The following UNC13B variants were observed in gnomAD, a reference collection of about 807,000 sequenced individuals.
UNC13B encodes unc-13 homolog B.
A neutral mutation model predicts 211.0 loss-of-function variants in UNC13B; 144 were observed. The ratio of observed to expected loss-of-function variants is 0.68; its 90% CI spans 0.60 to 0.78. The LOEUF is 0.78. Ranked by LOEUF, UNC13B falls within the 30% of genes least tolerant of loss-of-function variation. The probability of loss-of-function intolerance (pLI) is 0.00; values close to 1 mark genes in which losing one functional copy is unlikely to be tolerated. For missense variants in UNC13B, 1,777 were observed against 2,002.0 expected, an observed-to-expected ratio of 0.89 and a Z score of 2.14; for synonymous variants, 709 against 725.8, an observed-to-expected ratio of 0.98 and a Z score of 0.37.
intron 12 of UNC13B, among the ~76,000 whole-genome samples, chr9:35,368,314 G>C (rs755659050): frequency 1.2e-4 from 18 of 152,116 alleles, no homozygotes; most frequent in Non-Finnish European, 2.4e-4. Flanking sequence ...GCAGTGTTTG[G>C]TTTTCTGTTC....
chr9:35,255,342 A>G (rs1826813574), intron 6 of UNC13B, among the ~76,000 whole-genome samples: 1 of 148,418 alleles, frequency 6.7e-6, no homozygotes, highest in Admixed American at 6.9e-5. Flanking sequence ...CCTTATTATT[A>G]ACATCTTACA....
At chr9:35,290,954 G>A (rs1366221759) in intron 7 of UNC13B, 2 of 982,852 alleles carry the variant, frequency 2.0e-6, no homozygotes, top group Non-Finnish European at 3.1e-6. Flanking sequence ...TACAAGTGAG[G>A]TAGGCTTAAG....
intron 3 of UNC13B, 119 bp downstream of exon 3, chr9:35,231,338 C>A: frequency 1.6e-6 from 1 of 621,244 alleles, no homozygotes; most frequent in Non-Finnish European, 2.8e-6. Flanking sequence ...TGTACTGGCA[C>A]TGTTAAATAC....
At chr9:35,337,513 T>C (rs1831730799) in intron 11 of UNC13B, among the ~76,000 whole-genome samples, 1 of 152,234 alleles carries the variant, frequency 6.6e-6, no homozygotes, top group African/African-American at 2.4e-5. Flanking sequence ...ACTTACCTAG[T>C]TGAGTGCTTC....
chr9:35,327,906 A>T (rs539498732), intron 11 of UNC13B, among the ~76,000 whole-genome samples: 4 of 152,246 alleles, frequency 2.6e-5, no homozygotes, highest in Non-Finnish European at 4.4e-5. Context: ...TCAACCATTT[A>T]GGTAAAAACT....
At position 35,304,929 on chromosome 9, in the gene UNC13B, C is replaced by T. The variant is rs1426391372; in HGVS notation, c.5525C>T (p.Ser1842Phe). The change falls in exon 9 of 40, where the codon TCT becomes TTT. Residue 1842 changes from serine to phenylalanine, a missense_variant. Ser to Phe is a radical substitution (Grantham distance 155). Transcript: ENST00000635942. ...ATCAAAAATATAAGGCAAGAATTCT[C>T]TTTAAATAAAAACAACCATGTGAAA... ...ELIKNIRQEF[S>F]LNKNNHVKKQ... 5.0e-6 allele frequency: 2 copies of T among 398,754 alleles called. No individual in the cohort carries two copies. The highest frequency in any genetic ancestry group is 3.6e-5 in the East Asian group (1 of 28,076). 24.7% of individuals were successfully genotyped at this position (398,754 alleles called of 1,614,324 possible). A position where few individuals can be genotyped will look rare whatever the true frequency, so the allele number is the denominator to read the frequency against.
intron 1 of UNC13B, among the ~76,000 whole-genome samples, chr9:35,169,721 C>T (rs578139219): frequency 2.5e-4 from 38 of 152,288 alleles, no homozygotes; most frequent in Non-Finnish European, 4.7e-4. Context: ...GGGGAAAGGA[C>T]CAATTTGCTC....
chr9:35,310,097 T>G (rs1830111397), intron 9 of UNC13B, among the ~76,000 whole-genome samples: 1 of 152,210 alleles, frequency 6.6e-6, no homozygotes, highest in East Asian at 1.9e-4. Flanking sequence ...AAAGAAAGAT[T>G]AATCACAGCC....
chr9:35,303,059 C>A lies in UNC13B; in HGVS notation c.3655C>A (p.His1219Asn), dbSNP rs1829762462. 1 of 398,526 alleles carries A rather than the reference C, an allele frequency of 2.5e-6. No individual in the cohort carries two copies. The highest frequency in any genetic ancestry group is 2.1e-5 in the African/African-American group (1 of 48,598). 24.7% of individuals were successfully genotyped at this position (398,526 alleles called of 1,614,324 possible). A position where few individuals can be genotyped will look rare whatever the true frequency, so the allele number is the denominator to read the frequency against. ...GNMKSLNGDNHLSLDEVPATS... is the reference protein window; with the variant it reads ...GNMKSLNGDNNLSLDEVPATS... ...CATGAAGAGTTTGAATGGAGATAAC[C>A]ATTTATCCTTGGATGAGGTCCCTGC... is the stretch of plus-strand genomic sequence containing the variant. Residue 1219 changes from histidine to asparagine, a missense_variant, in exon 9 of 40, where the codon CAT becomes AAT. By Grantham distance (68) the His-to-Asn change is moderately conservative (BLOSUM62 1). Coordinates refer to ENST00000635942, the MANE Select transcript of UNC13B (RefSeq NM_001371189.2).
At chr9:35,337,546 C>T (rs1290086778) in intron 11 of UNC13B, among the ~76,000 whole-genome samples, 2 of 152,198 alleles carry the variant, frequency 1.3e-5, no homozygotes, top group African/African-American at 4.8e-5. Context: ...CCATGCTTCC[C>T]TCTTACTGTC....
intron 7 of UNC13B, among the ~76,000 whole-genome samples, chr9:35,294,068 CT>C (rs1829229377): frequency 6.6e-6 from 1 of 152,184 alleles, no homozygotes; most frequent in Non-Finnish European, 1.5e-5. Context: ...TGTTTGTGCT[CT>C]CTTTTAGTGG....
intron 1 of UNC13B, among the ~76,000 whole-genome samples, chr9:35,211,466 C>T (rs912757060): frequency 6.6e-6 from 1 of 152,142 alleles, no homozygotes; most frequent in African/African-American, 2.4e-5. Context: ...CATAGTATTT[C>T]ATTATATAGG....
intron 11 of UNC13B, chr9:35,352,229 A>C (rs1031805372): frequency 8.1e-7 from 1 of 1,232,172 alleles, no homozygotes; most frequent in Non-Finnish European, 1.0e-6. Flanking sequence ...AGAAAATACT[A>C]TGGAACTGGT....
At chr9:35,221,808 A>G (rs1824580136) in intron 1 of UNC13B, among the ~76,000 whole-genome samples, 1 of 152,194 alleles carries the variant, frequency 6.6e-6, no homozygotes, top group African/African-American at 2.4e-5. Context: ...TTCCTGACTC[A>G]TTTCAAGTTT....
Position 35,221,801 on chromosome 9 carries a change from C to T in UNC13B, c.23-6214C>T, listed in dbSNP as rs539178225. 5.8e-4 allele frequency among the ~76,000 whole-genome samples: 88 copies of T among 152,230 alleles called. 1 individual carries two copies. The highest frequency in any genetic ancestry group is 2.0e-3 in the African/African-American group (83 of 41,532). ...TTATCTCTCACATTTAGTTCTATTCCTGACTCATTTCAAGTTTTGCATATT... is the reference window on the plus strand; with the variant it reads ...TTATCTCTCACATTTAGTTCTATTCTTGACTCATTTCAAGTTTTGCATATT... On this transcript the variant is annotated intron_variant, in intron 1 of 39. Coordinates refer to ENST00000635942, the MANE Select transcript of UNC13B (RefSeq NM_001371189.2).
intron 1 of UNC13B, among the ~76,000 whole-genome samples, chr9:35,217,277 G>T (rs563869933): frequency 2.0e-5 from 3 of 152,002 alleles, no homozygotes; most frequent in Non-Finnish European, 4.4e-5. Flanking sequence ...TTCAAAATAA[G>T]CTTTAAAGAA....
chr9:35,226,404 G>GCA (rs372521935), intron 1 of UNC13B, among the ~76,000 whole-genome samples: 3 of 152,020 alleles, frequency 2.0e-5, no homozygotes, highest in East Asian at 1.9e-4. Flanking sequence ...ATACATATAT[G>GCA]CACACACACA....
intron 1 of UNC13B, among the ~76,000 whole-genome samples, chr9:35,171,578 A>T (rs1008843888): frequency 5.3e-5 from 8 of 151,832 alleles, no homozygotes; most frequent in Non-Finnish European, 1.2e-4. Context: ...ATTTTTGAAA[A>T]TTTTTTTGTA....
rs552628623 is a variant in UNC13B at position 35,200,239 on chromosome 9, C to A, written c.23-27776C>A. Among the ~76,000 whole-genome samples, 13 of 152,252 alleles carry A rather than the reference C, an allele frequency of 8.5e-5. No homozygotes were observed. The South Asian group carries it at 2.5e-3, about 29-fold the overall frequency. On this transcript the variant is annotated intron_variant, in intron 1 of 39. Coordinates refer to ENST00000635942, the MANE Select transcript of UNC13B (RefSeq NM_001371189.2). ...TACCATGCTGTTTTGGTTATTGTAG[C>A]CTTGTAGTATAGTTTGAAGTCAGGT...
Sources: gnomAD v4.1 joint callset for allele counts (sites outside exome capture counted in the v4.1 genomes callset) on GRCh38, gnomAD v4.1.1 for gene constraint, MANE v1.5 for transcripts, NCBI Gene and HGNC (gene_info 2026-07-23, HGNC 2026-07-21) for gene names.